CYP17A1: variants seen among roughly 807,000 people sequenced by gnomAD.
CYP17A1 encodes the protein cytochrome P450 family 17 subfamily A member 1, also known as steroid 17-alpha-hydroxylase/17,20 lyase.
Under a neutral mutation model 38.5 loss-of-function variants are expected in CYP17A1, and 27 were observed. The ratio of observed to expected loss-of-function variants is 0.70; its 90% CI spans 0.52 to 0.97. The LOEUF is 0.97. Among genes scored for constraint, CYP17A1 ranks in the 50% least tolerant of loss-of-function variants. The pLI is 0.00. For synonymous variants in CYP17A1, 263 were observed against 253.3 expected (o/e 1.04, Z -0.36); for missense variants, 549 against 645.9 (o/e 0.85, Z 1.63).
chr10:102,830,539 A>G lies in CYP17A1; in HGVS notation c.*163T>C, dbSNP rs1432088088. The G allele has an allele frequency of 8.3e-6, 5 of 605,980 alleles. No individual in the cohort carries two copies. The Admixed American group carries it at 1.2e-4, about 14-fold the overall frequency. The allele number at this position is 605,980 out of a possible 1,614,324, so 37.5% of individuals were successfully genotyped here. ...TGAACTACTCAGGGACCTTATGGAA[A>G]AAAAAAAACTGTTTATGCACATCAC... On this transcript the variant is annotated 3_prime_UTR_variant, in exon 8 of 8. Transcript: ENST00000369887. This position sits in a 1 kb window ranked among gnomAD's most constrained non-coding sequence, Gnocchi z 4.1.
In CYP17A1 at chr10:102,834,803, G is replaced by A. The variant is rs767247558; in HGVS notation, c.648C>T (p.Asp216=). The change falls in exon 3 of 8, where the codon GAC becomes GAT. Residue 216 remains aspartate, a synonymous_variant. Transcript: ENST00000369887. ...IDNLSKDSLV[D]LVPWLKIFPN... ...ATCTCACCTTCAACCAGGGGACTAG[G>A]TCCACCAGGCTGTCTTTGCTCAGGT... 7.4e-6 allele frequency: 12 copies of A among 1,614,004 alleles called. No homozygotes were observed. Among genetic ancestry groups the A allele is most frequent in the Non-Finnish European group, 1.0e-5 (12 of 1,180,036 alleles).
At chr10:102,836,491 TGG>T (rs1370740747) in intron 1 of CYP17A1, among the ~76,000 whole-genome samples, 1 of 145,968 alleles carries the variant, frequency 6.9e-6, no homozygotes, top group East Asian at 2.0e-4. Flanking sequence ...GCTGAGAGGC[TGG>T]GGGCCCTGCT....
At chr10:102,835,218 T>TCCAGCC in intron 2 of CYP17A1, 36 bp downstream of exon 2, 2 of 1,590,882 alleles carry the variant, frequency 1.3e-6, no homozygotes, top group South Asian at 1.1e-5. Context: ...TCCTGTGGGA[T>TCCAGCC]CCAGCCCCAG....
At position 102,833,062 on chromosome 10, in the gene CYP17A1, A is replaced by G; in HGVS notation, c.900T>C (p.Phe300=). The G allele has an allele frequency of 6.2e-7, 1 of 1,614,176 alleles. No individual in the cohort carries two copies. Among genetic ancestry groups the G allele is most frequent in the Non-Finnish European group, 8.5e-7 (1 of 1,180,024 alleles). Residue 300 remains phenylalanine, a synonymous_variant, in exon 5 of 8, where the codon TTT becomes TTC. Coordinates refer to ENST00000369887, the MANE Select transcript of CYP17A1 (RefSeq NM_000102.4). ...AGGTGGTGGTCTCCACGCCAGCCCCAAAGATGTCCCCTATGGTGGTGAGAA... is the reference window on the plus strand; with the variant it reads ...AGGTGGTGGTCTCCACGCCAGCCCCGAAGATGTCCCCTATGGTGGTGAGAA... ...NHILTTIGDI[F]GAGVETTTSV...
At chr10:102,832,435 TA>T (rs1158217737) in intron 6 of CYP17A1, 75 bp downstream of exon 6, 48 of 958,206 alleles carry the variant, frequency 5.0e-5, no homozygotes, top group Non-Finnish European at 7.8e-5. Context: ...GGGCCGGGGG[TA>T]GGGGGAGCCA....
chr10:102,832,951 T>C (rs756507300), intron 5 of CYP17A1, 42 bp downstream of exon 5: 10 of 1,608,454 alleles, frequency 6.2e-6, no homozygotes, highest in Middle Eastern at 1.8e-4. Flanking sequence ...AGCCCAGAGA[T>C]TGGGCTGGCT....
chr10:102,834,237 C>A (rs544222293), intron 3 of CYP17A1, 115 bp from the exon 4 acceptor site: 2 of 713,006 alleles, frequency 2.8e-6, no homozygotes, highest in Non-Finnish European at 5.2e-6. Context: ...TCCTACTCCA[C>A]CCCTGACCTT....
chr10:102,833,249 C>A, intron 4 of CYP17A1, 41 bp from the exon 5 acceptor site: 1 of 1,613,540 alleles, frequency 6.2e-7, no homozygotes, highest in Non-Finnish European at 8.5e-7. Flanking sequence ...AAGGAAGGAG[C>A]CCCATCTGTG....
At chr10:102,832,014 C>T (rs1022397713) in intron 6 of CYP17A1, among the ~76,000 whole-genome samples, 25 of 152,178 alleles carry the variant, frequency 1.6e-4, no homozygotes, top group South Asian at 2.1e-4. Flanking sequence ...CAATGCGTGT[C>T]TGTAGGTGGT....
At chr10:102,835,857 C>T (rs771943183) in intron 1 of CYP17A1, among the ~76,000 whole-genome samples, 1 of 152,184 alleles carries the variant, frequency 6.6e-6, no homozygotes, top group South Asian at 2.1e-4. Context: ...GCACAGCTCA[C>T]CTCACTCAGG....
chr10:102,835,393 CT>C lies in CYP17A1; in HGVS notation c.298-2del. ...TGTTGGACGCGATGTCTAGAGTTGC[CT>C]TTAGAGAGCAGGCAAGGCTGTAGGA... On this transcript the variant is annotated splice_acceptor_variant, in intron 1 of 7. Transcript: ENST00000369887. LOFTEE classifies it high-confidence loss of function. 1 of 1,611,910 alleles carries C rather than the reference CT, an allele frequency of 6.2e-7. No individual in the cohort carries two copies. Among genetic ancestry groups the C allele is most frequent in the Non-Finnish European group, 8.5e-7 (1 of 1,177,900 alleles).
At chr10:102,833,420 T>A in intron 4 of CYP17A1, 1 of 833,216 alleles carries the variant, frequency 1.2e-6, no homozygotes, top group Non-Finnish European at 1.8e-6. Flanking sequence ...TAGGATCCTC[T>A]TCAGTTCCTC....
At chr10:102,832,477 A>G in intron 6 of CYP17A1, 34 bp downstream of exon 6, 1 of 1,471,168 alleles carries the variant, frequency 6.8e-7, no homozygotes, top group South Asian at 1.1e-5. Context: ...TGAATGCATC[A>G]TGGGGCTAGA....
At chr10:102,836,714 T>C in intron 1 of CYP17A1, 1 of 320,332 alleles carries the variant, frequency 3.1e-6, no homozygotes, top group South Asian at 3.6e-5. Context: ...GGGCACTTAC[T>C]GTGCTGGGTG....
intron 4 of CYP17A1, chr10:102,833,458 G>GTT (rs1177497362): frequency 0.024 from 8,565 of 364,208 alleles, no homozygotes; most frequent in South Asian, 0.034. Flanking sequence ...CCTTGAGTCA[G>GTT]TTTTTTTTTT....
In CYP17A1 at chr10:102,830,982, C is replaced by T. The variant is rs104894155; in HGVS notation, c.1247G>A (p.Arg416His). The T allele has an allele frequency of 1.7e-5, 27 of 1,569,960 alleles. No homozygotes were observed. Among genetic ancestry groups the T allele is most frequent in the Non-Finnish European group, 2.3e-5 (26 of 1,154,526 alleles). The change falls in exon 8 of 8, where the codon CGT (arginine) becomes CAT (histidine). Residue 416 changes from arginine (R) to histidine (H), a missense_variant. This residue lies in a region of CYP17A1 where 257 missense variants were observed against 307.9 expected (regional missense o/e 0.83). Coordinates refer to ENST00000369887, the MANE Select transcript of CYP17A1 (RefSeq NM_000102.4). This position sits in a 1 kb window ranked among gnomAD's most constrained non-coding sequence, Gnocchi z 4.1. ...CTGGGTCCCCGCTGGATTCAAGAAA[C>T]GCTCTGCAGGCAAGGAGTGGCATCA... is the stretch of plus-strand genomic sequence containing the variant. The part of the protein sequence containing the change: ...WHQPDQFMPE[R>H]FLNPAGTQLI...
intron 2 of CYP17A1, 103 bp from the exon 3 acceptor site, chr10:102,835,117 C>T: frequency 9.3e-7 from 1 of 1,080,264 alleles, no homozygotes; most frequent in South Asian, 1.3e-5. Flanking sequence ...TAGCAGATGG[C>T]CACTAGATGG....
At position 102,831,607 on chromosome 10, in the gene CYP17A1, C is replaced by T. The variant is rs761671570; in HGVS notation, c.1144G>A (p.Gly382Ser). 29 of 1,613,540 alleles carry T rather than the reference C, an allele frequency of 1.8e-5. No individual in the cohort carries two copies. The highest frequency in any genetic ancestry group is 1.9e-5 in the Non-Finnish European group (23 of 1,180,020). The change falls in exon 7 of 8, where the codon GGT becomes AGT. Residue 382 changes from glycine (G) to serine (S), a missense_variant. By Grantham distance (56) the Gly-to-Ser change is moderately conservative (BLOSUM62 0). Coordinates refer to ENST00000369887, the MANE Select transcript of CYP17A1 (RefSeq NM_000102.4). ...PHKANVDSSIGEFAVDKGTEV... is the reference protein window; with the variant it reads ...PHKANVDSSISEFAVDKGTEV... ...GTGCCCTTGTCCACAGCAAACTCAC[C>T]GATGCTGCTCCAGAGTGGAAGAGGA...
chr10:102,835,623 G>T (rs1844153045), intron 1 of CYP17A1: 1 of 579,538 alleles, frequency 1.7e-6, no homozygotes. Flanking sequence ...CAAGGAGAAA[G>T]AAAGAACCCT....
Sources: gnomAD v4.1 joint callset for allele counts (sites outside exome capture counted in the v4.1 genomes callset) on GRCh38, gnomAD v4.1.1 for gene constraint, gnomAD v4.1.1 regional missense constraint, Gnocchi (gnomAD v3.1) non-coding constraint, MANE v1.5 for transcripts, NCBI Gene and HGNC (gene_info 2026-07-23, HGNC 2026-07-21) for gene names.